Variants in CNR1 observed in about 807,000 individuals in gnomAD.
CNR1 encodes the protein cannabinoid receptor 1 (brain).
In CNR1, 10 loss-of-function variants were observed where a neutral mutation model predicts 23.0. That is an observed-to-expected ratio of 0.43 (90% CI 0.27 to 0.74). The LOEUF is 0.74. CNR1 is among the 30% of genes least tolerant of loss of function. The pLI, the probability that CNR1 is intolerant of heterozygous loss-of-function variation, is 0.19. For missense variants in CNR1, 422 were observed against 618.8 expected (o/e 0.68, Z 3.37); for synonymous variants, 271 against 255.2 (o/e 1.06, Z -0.59).
At position 88,144,087 on chromosome 6, in the gene CNR1, G is replaced by A; in HGVS notation, c.1188C>T (p.Ile396=). The stretch of plus-strand genomic sequence containing the variant: ...GCAGGTCCTTACTCCTCAGAGCATA[G>A]ATGATGGGGTTCACGGTGGAGTTCA... ...CLLNSTVNPI[I]YALRSKDLRH... The change falls in exon 2 of 2, where the codon ATC becomes ATT. Residue 396 remains isoleucine, a synonymous_variant. Coordinates refer to ENST00000369501, the MANE Select transcript of CNR1 (RefSeq NM_016083.6). The surrounding 1 kb of genome is among the most constrained non-coding windows in gnomAD (Gnocchi z 7.8). 4 of 1,614,102 alleles carry A rather than the reference G, an allele frequency of 2.5e-6. No individual in the cohort carries two copies. The highest frequency in any genetic ancestry group is 1.1e-5 in the South Asian group (1 of 91,062).
intron 1 of CNR1, among the ~76,000 whole-genome samples, chr6:88,164,700 C>G (rs1778280490): frequency 6.6e-6 from 1 of 152,150 alleles, no homozygotes; most frequent in African/African-American, 2.4e-5. Flanking sequence ...CTATGGGAAC[C>G]TTAAAGGTTG....
chr6:88,146,647 T>G (rs1217300889), intron 1 of CNR1, among the ~76,000 whole-genome samples: 2 of 152,258 alleles, frequency 1.3e-5, no homozygotes, highest in East Asian at 3.8e-4. Context: ...TATAAATTTT[T>G]GTTTAAAATG....
At chr6:88,145,606 C>G (rs1777139644) in intron 1 of CNR1, among the ~76,000 whole-genome samples, 1 of 152,134 alleles carries the variant, frequency 6.6e-6, no homozygotes, top group African/African-American at 2.4e-5. Context: ...GTGTGTGAAT[C>G]CAGGAAGGAC....
intron 1 of CNR1, chr6:88,164,283 AGTG>A (rs1357132884): frequency 1.3e-5 from 2 of 152,378 alleles, no homozygotes; most frequent in Non-Finnish European, 2.9e-5. Flanking sequence ...CCTCGCCTGG[AGTG>A]GGAGACATCT....
chr6:88,148,639 T>A (rs1777342029), intron 1 of CNR1, among the ~76,000 whole-genome samples: 1 of 152,220 alleles, frequency 6.6e-6, no homozygotes, highest in Non-Finnish European at 1.5e-5. Flanking sequence ...TATGCTCTAT[T>A]TAGGTAAGGT....
intron 1 of CNR1, among the ~76,000 whole-genome samples, chr6:88,156,142 T>G (rs2127763636): frequency 6.6e-6 from 1 of 152,308 alleles, no homozygotes; most frequent in Admixed American, 6.5e-5. Flanking sequence ...TATATAAACG[T>G]TGTACCATTT....
Position 88,144,268 on chromosome 6 carries a change from C to T in CNR1, c.1007G>A (p.Arg336His), listed in dbSNP as rs1470572409. 1.9e-6 allele frequency: 3 copies of T among 1,610,876 alleles called. No individual in the cohort carries two copies. The highest frequency in any genetic ancestry group is 1.1e-5 in the South Asian group (1 of 91,074). ...GGTCTTGGCTAACCTAATGTCCATG[C>T]GGGCTTGGTCTGGCCGGGTCACCTG... ...KVQVTRPDQA[R>H]MDIRLAKTLV... Residue 336 changes from arginine to histidine, a missense_variant, in exon 2 of 2, where the codon CGC becomes CAC. Arg to His is a conservative substitution (Grantham distance 29). Transcript: ENST00000369501. This position sits in a 1 kb window ranked among gnomAD's most constrained non-coding sequence, Gnocchi z 7.8.
At chr6:88,166,761 C>CG (rs1778386739), upstream of CNR1, among the ~76,000 whole-genome samples, 1 of 151,638 alleles carries the variant, frequency 6.6e-6, no homozygotes, top group African/African-American at 2.4e-5. Flanking sequence ...ACACCTTCCG[C>CG]GGGGGTCACG....
intron 1 of CNR1, among the ~76,000 whole-genome samples, chr6:88,155,407 A>C (rs1244073936): frequency 6.6e-6 from 1 of 152,222 alleles, no homozygotes; most frequent in African/African-American, 2.4e-5. Flanking sequence ...AGTGGGTGCT[A>C]TTACAATCTC....
chr6:88,146,430 G>A (rs571191812), intron 1 of CNR1, among the ~76,000 whole-genome samples: 2 of 152,294 alleles, frequency 1.3e-5, no homozygotes, highest in South Asian at 4.1e-4. Context: ...TCACAGCAGG[G>A]ATATGGAGGA....
chr6:88,153,645 T>TCCAG (rs1777645830), intron 1 of CNR1, among the ~76,000 whole-genome samples: 1 of 152,240 alleles, frequency 6.6e-6, no homozygotes, highest in Non-Finnish European at 1.5e-5. Flanking sequence ...GAATGCAGCT[T>TCCAG]CCAGTGGATA....
Position 88,145,006 on chromosome 6 carries a change from T to C in CNR1, c.269A>G (p.Lys90Arg), listed in dbSNP as rs570301594. The C allele has an allele frequency of 1.2e-6, 2 of 1,614,132 alleles. No individual in the cohort carries two copies. Among genetic ancestry groups the C allele is most frequent in the African/African-American group, 2.7e-5 (2 of 75,058 alleles). ...ACACTGGATGTTCTCCTCATTCTCC[T>C]TGAAGGACGAGAGAGACTTGTTGTA... ...EFYNKSLSSFKENEENIQCGE... is the reference protein window; with the variant it reads ...EFYNKSLSSFRENEENIQCGE... The change falls in exon 2 of 2, where the codon AAG becomes AGG. Residue 90 changes from lysine to arginine, a missense_variant. Lys to Arg is a conservative substitution (Grantham distance 26). Coordinates refer to ENST00000369501, the MANE Select transcript of CNR1 (RefSeq NM_016083.6).
chr6:88,145,206 C>G lies in CNR1; in HGVS notation c.69G>C (p.Val23=), dbSNP rs764239536. The change falls in exon 2 of 2, where the codon GTG becomes GTC. Residue 23 remains valine (V), a synonymous_variant. Transcript: ENST00000369501. ...CTTCGTACTGAATGTCATTTGAGCCCACGTACAGGAGGTCAGTGGTGATGG... is the reference window on the plus strand; with the variant it reads ...CTTCGTACTGAATGTCATTTGAGCCGACGTACAGGAGGTCAGTGGTGATGG... The part of the protein sequence containing the change: ...FRTITTDLLY[V]GSNDIQYEDI... The G allele has an allele frequency of 3.7e-6, 6 of 1,614,082 alleles. No individual in the cohort carries two copies. In the East Asian group the frequency reaches 1.3e-4, roughly 36 times the overall value.
intron 1 of CNR1, among the ~76,000 whole-genome samples, chr6:88,152,375 A>T (rs1322908496): frequency 6.6e-6 from 1 of 152,226 alleles, no homozygotes; most frequent in Non-Finnish European, 1.5e-5. Flanking sequence ...TACTTGGAAG[A>T]GCTATAAAGC....
intron 1 of CNR1, among the ~76,000 whole-genome samples, chr6:88,146,518 C>T (rs1193086532): frequency 6.6e-6 from 1 of 152,090 alleles, no homozygotes; most frequent in Non-Finnish European, 1.5e-5. Flanking sequence ...TGGAGAGTGT[C>T]CAAGGATTTC....
chr6:88,163,659 T>TG (rs1271850420), intron 1 of CNR1, among the ~76,000 whole-genome samples: 1 of 152,242 alleles, frequency 6.6e-6, no homozygotes, highest in Non-Finnish European at 1.5e-5. Context: ...TCAATGGGGC[T>TG]GCTTCCTTCT....
At chr6:88,164,906 T>C (rs1778291818) in intron 1 of CNR1, among the ~76,000 whole-genome samples, 1 of 152,128 alleles carries the variant, frequency 6.6e-6, no homozygotes, top group Non-Finnish European at 1.5e-5. Context: ...AACCAGTAAA[T>C]CTGTTCTAAT....
chr6:88,145,469 C>T (rs1465368054), intron 1 of CNR1, 132 bp from the exon 2 acceptor site: 6 of 565,658 alleles, frequency 1.1e-5, no homozygotes, highest in Non-Finnish European at 1.6e-5. Flanking sequence ...AGGTCAAGTT[C>T]TCATCAGATT....
In CNR1 at chr6:88,143,524, A is replaced by G. The variant is rs954086076; in HGVS notation, c.*332T>C. 1 of 240,174 alleles carries G rather than the reference A, an allele frequency of 4.2e-6. No homozygotes were observed. Among genetic ancestry groups the G allele is most frequent in the Non-Finnish European group, 8.1e-6 (1 of 123,452 alleles). 14.9% of individuals were successfully genotyped at this position (240,174 alleles called of 1,614,324 possible). The stretch of plus-strand genomic sequence containing the variant: ...TCACATTATAGTGAAAGTTGTGGTT[A>G]CAAAGGCATTATTCATTTGATGGCA... On this transcript the variant is annotated 3_prime_UTR_variant, in exon 2 of 2. Coordinates refer to ENST00000369501, the MANE Select transcript of CNR1 (RefSeq NM_016083.6).
Sources: gnomAD v4.1 joint callset for allele counts (sites outside exome capture counted in the v4.1 genomes callset) on GRCh38, gnomAD v4.1.1 for gene constraint, Gnocchi (gnomAD v3.1) non-coding constraint, MANE v1.5 for transcripts, NCBI Gene and HGNC (gene_info 2026-07-23, HGNC 2026-07-21) for gene names.